The following RAI1 variants were observed in gnomAD, a reference collection of about 807,000 sequenced individuals.
The protein encoded by RAI1 is retinoic acid induced 1.
A neutral mutation model predicts 123.8 loss-of-function variants in RAI1; 9 were observed. The ratio of observed to expected loss-of-function variants is 0.07; its 90% CI spans 0.04 to 0.13. The LOEUF (loss-of-function observed/expected upper bound fraction) is 0.13, where lower values mean the gene tolerates loss of function less well. RAI1 is among the 10% of genes least tolerant of loss of function. The pLI is 1.00. For synonymous variants in RAI1, 1,231 were observed against 1,127.3 expected (o/e 1.09, Z -1.84); for missense variants, 2,256 against 2,545.8 (o/e 0.89, Z 2.45).
intron 2 of RAI1, among the ~76,000 whole-genome samples, chr17:17,746,240 C>T (rs1342936790): frequency 6.6e-6 from 1 of 152,230 alleles, no homozygotes; most frequent in Non-Finnish European, 1.5e-5. Flanking sequence ...CTCCGATGCT[C>T]AGCTGCTCCC....
intron 2 of RAI1, among the ~76,000 whole-genome samples, chr17:17,742,593 C>T (rs1916679386): frequency 6.6e-6 from 1 of 152,226 alleles, no homozygotes; most frequent in Admixed American, 6.5e-5. Flanking sequence ...ATCCCCTCTG[C>T]TTTTAACAAA....
chr17:17,797,502 C>G lies in RAI1; in HGVS notation c.4554C>G (p.Pro1518=), dbSNP rs1365803441. ...CCCCGGAGGGCAGGCCCTGCCAGCCCCAGACAAGGGCACAGAAACAGCCAG... is the reference window on the plus strand; with the variant it reads ...CCCCGGAGGGCAGGCCCTGCCAGCCGCAGACAAGGGCACAGAAACAGCCAG... ...SQPPEGRPCQ[P]QTRAQKQPGH... is the part of the protein sequence containing the mutation. Residue 1518 remains proline (P), a synonymous_variant, in exon 3 of 6, where the codon CCC becomes CCG. Transcript: ENST00000353383. 1 of 1,613,512 alleles carries G rather than the reference C, an allele frequency of 6.2e-7. No individual in the cohort carries two copies. The highest frequency in any genetic ancestry group is 8.5e-7 in the Non-Finnish European group (1 of 1,179,798).
At chr17:17,756,983 C>G (rs2030463937) in intron 2 of RAI1, among the ~76,000 whole-genome samples, 1 of 152,200 alleles carries the variant, frequency 6.6e-6, no homozygotes, top group Non-Finnish European at 1.5e-5. Flanking sequence ...TCGGGCAGCC[C>G]CCAGAGGGTG....
chr17:17,771,195 G>A (rs2031143830), intron 2 of RAI1, among the ~76,000 whole-genome samples: 1 of 152,332 alleles, frequency 6.6e-6, no homozygotes, highest in Non-Finnish European at 1.5e-5. Context: ...GTTTTTAAAA[G>A]CCTTAGGGAA....
chr17:17,788,717 A>G (rs2031914015), intron 2 of RAI1, among the ~76,000 whole-genome samples: 1 of 152,108 alleles, frequency 6.6e-6, no homozygotes, highest in Admixed American at 6.5e-5. Flanking sequence ...GGAAGCCCCC[A>G]GTCCGTTTCT....
rs766777897 is a variant in RAI1 at position 17,793,766 on chromosome 17, G to A, written c.818G>A (p.Arg273His). The change falls in exon 3 of 6, where the codon CGC (arginine) becomes CAC (histidine). Residue 273 changes from arginine (R) to histidine (H), a missense_variant. Arg to His is a conservative substitution (Grantham distance 29). Transcript: ENST00000353383. ...AATCTTCATGCCTACCAGTCGGGCC[G>A]CCTCAGCTATGACCAGCAGCAGCAG... ...VQNLHAYQSG[R>H]LSYDQQQQQQ... 7.5e-6 allele frequency: 12 copies of A among 1,608,640 alleles called. No individual in the cohort carries two copies. The highest frequency in any genetic ancestry group is 6.7e-5 in the East Asian group (3 of 44,490).
Position 17,795,782 on chromosome 17 carries a change from C to G in RAI1, c.2834C>G (p.Ser945Cys), listed in dbSNP as rs779583556. Reference protein sequence around the residue: ...ESKVQSWFESSLSHMKPGEEG... With the variant: ...ESKVQSWFESCLSHMKPGEEG... Reference sequence around the variant, plus strand: ...AAGGTCCAGAGCTGGTTTGAGTCCTCTCTGTCACACATGAAGCCAGGTGAA... The same window carrying G: ...AAGGTCCAGAGCTGGTTTGAGTCCTGTCTGTCACACATGAAGCCAGGTGAA... Residue 945 changes from serine to cysteine, a missense_variant, in exon 3 of 6, where the codon TCT becomes TGT. Physicochemically the swap from Ser to Cys is moderately radical, Grantham distance 112 (BLOSUM62 -1). Coordinates refer to ENST00000353383, the MANE Select transcript of RAI1 (RefSeq NM_030665.4). This position sits in a 1 kb window ranked among gnomAD's most constrained non-coding sequence, Gnocchi z 5.9. 4 of 1,613,666 alleles carry G rather than the reference C, an allele frequency of 2.5e-6. No individual in the cohort carries two copies. Among genetic ancestry groups the G allele is most frequent in the Non-Finnish European group, 3.4e-6 (4 of 1,180,028 alleles).
At chr17:17,700,379 G>A (rs1353757496) in intron 1 of RAI1, among the ~76,000 whole-genome samples, 4 of 151,744 alleles carry the variant, frequency 2.6e-5, no homozygotes, top group African/African-American at 9.7e-5. Flanking sequence ...AGCTGGAGGC[G>A]CGGCTCCCGG....
chr17:17,809,129 C>A lies in RAI1; in HGVS notation c.5660-261C>A. ...AGGGACTGCCTCAAGTGAGGAGGGG[C>A]GGCACGTGGAACTCAGGGGGAAAAG... is the stretch of plus-strand genomic sequence containing the variant. On this transcript the variant is annotated intron_variant, in intron 4 of 5. Transcript: ENST00000353383. This position sits in a 1 kb window ranked among gnomAD's most constrained non-coding sequence, Gnocchi z 4.9. The A allele has an allele frequency of 3.6e-6, 2 of 559,386 alleles. No homozygotes were observed. Among genetic ancestry groups the A allele is most frequent in the South Asian group, 2.0e-5 (1 of 51,236 alleles). 34.7% of individuals were successfully genotyped at this position (559,386 alleles called of 1,614,324 possible). A position where few individuals can be genotyped will look rare whatever the true frequency, so the allele number is the denominator to read the frequency against.
intron 1 of RAI1, among the ~76,000 whole-genome samples, chr17:17,722,621 C>T (rs1184351456): frequency 1.3e-5 from 2 of 152,238 alleles, no homozygotes; most frequent in African/African-American, 4.8e-5. Context: ...CGCGACCCAC[C>T]TCTCCTGGCG....
intron 2 of RAI1, among the ~76,000 whole-genome samples, chr17:17,765,205 A>G (rs945304986): frequency 2.6e-5 from 4 of 152,254 alleles, no homozygotes; most frequent in Non-Finnish European, 4.4e-5. Flanking sequence ...ACATTCTCCA[A>G]CACATTGTTT....
At chr17:17,701,052 C>T (rs1283886941) in intron 1 of RAI1, among the ~76,000 whole-genome samples, 1 of 152,234 alleles carries the variant, frequency 6.6e-6, no homozygotes. Context: ...AAAGACCCCT[C>T]TCCCTCCTCG....
chr17:17,774,715 AAG>A (rs2031276910), intron 2 of RAI1, among the ~76,000 whole-genome samples: 1 of 152,242 alleles, frequency 6.6e-6, no homozygotes, highest in Non-Finnish European at 1.5e-5. Context: ...TCTGTTATAA[AAG>A]AGTATATAAA....
intron 1 of RAI1, among the ~76,000 whole-genome samples, chr17:17,707,432 G>A (rs78236662): frequency 0.053 from 8,114 of 152,220 alleles, 662 homozygotes; most frequent in African/African-American, 0.18. Context: ...GCAAAGACTC[G>A]AGGGAGGTCA....
In RAI1 at chr17:17,795,998, C is replaced by T. The variant is rs781593650; in HGVS notation, c.3050C>T (p.Ala1017Val). Residue 1017 changes from alanine (A) to valine (V), a missense_variant, in exon 3 of 6, where the codon GCA (alanine) becomes GTA (valine). Around this residue, in one of 7 missense-constraint regions of RAI1, gnomAD observed 566 missense variants for 616.0 expected, o/e 0.92. Coordinates refer to ENST00000353383, the MANE Select transcript of RAI1 (RefSeq NM_030665.4). This position sits in a 1 kb window ranked among gnomAD's most constrained non-coding sequence, Gnocchi z 5.9. ...GAGGCCGAGGACTCCCCATGCAGGG[C>T]ACCAGTGCTGCCCAAAGACCTCTTG... is the stretch of plus-strand genomic sequence containing the variant. ...LPEAEDSPCR[A>V]PVLPKDLLLP... 1.3e-6 allele frequency: 2 copies of T among 1,598,232 alleles called. No individual in the cohort carries two copies. The highest frequency in any genetic ancestry group is 2.7e-5 in the African/African-American group (2 of 74,732).
intron 1 of RAI1, among the ~76,000 whole-genome samples, chr17:17,682,110 G>GATCT (rs1914443267): frequency 6.7e-6 from 1 of 150,318 alleles, no homozygotes; most frequent in South Asian, 2.1e-4. Flanking sequence ...TGTGGCAAGG[G>GATCT]ATCTGCTTGC....
chr17:17,789,013 T>A (rs2031924935), intron 2 of RAI1, among the ~76,000 whole-genome samples: 1 of 152,178 alleles, frequency 6.6e-6, no homozygotes, highest in Admixed American at 6.5e-5. Flanking sequence ...GTCTGGCTGC[T>A]TAAAGATGAG....
At position 17,681,809 on chromosome 17, in the gene RAI1, C is replaced by A. The variant is rs1314435893; in HGVS notation, c.-149+16C>A. On this transcript the variant is annotated intron_variant, in intron 1 of 5. Transcript: ENST00000353383. ...GGGCGCCGAGGTGAGCAGCGAGCGC[C>A]GGGGCGCGGGGGGCGCAGTGTATCC... The A allele has an allele frequency of 1.4e-4, 41 of 289,612 alleles. No individual in the cohort carries two copies. The highest frequency in any genetic ancestry group is 9.0e-5 in the Non-Finnish European group (14 of 155,418). 17.9% of individuals were successfully genotyped at this position (289,612 alleles called of 1,614,324 possible). A position where few individuals can be genotyped will look rare whatever the true frequency, so the allele number is the denominator to read the frequency against.
intron 2 of RAI1, among the ~76,000 whole-genome samples, chr17:17,785,985 A>C (rs912116532): frequency 6.6e-6 from 1 of 152,200 alleles, no homozygotes; most frequent in African/African-American, 2.4e-5. Context: ...TATTTTCTTA[A>C]ATGAGAGCTG....
Sources: gnomAD v4.1 joint callset for allele counts (sites outside exome capture counted in the v4.1 genomes callset) on GRCh38, gnomAD v4.1.1 for gene constraint, gnomAD v4.1.1 regional missense constraint, Gnocchi (gnomAD v3.1) non-coding constraint, MANE v1.5 for transcripts, NCBI Gene and HGNC (gene_info 2026-07-23, HGNC 2026-07-21) for gene names.